BCAS1: variants seen among roughly 807,000 people sequenced by gnomAD.
BCAS1 encodes breast carcinoma-amplified sequence 1.
BCAS1 carries 46 observed loss-of-function variants against 65.4 expected under a neutral mutation model. That is an observed-to-expected ratio of 0.70 (90% CI 0.55 to 0.90). The LOEUF is 0.90. BCAS1 is among the 40% of genes least tolerant of loss of function. The probability of loss-of-function intolerance (pLI) is 0.00; values close to 1 mark genes in which losing one functional copy is unlikely to be tolerated. For synonymous variants in BCAS1, 298 were observed against 293.5 expected (o/e 1.02, Z -0.16); for missense variants, 793 against 771.2 (o/e 1.03, Z -0.33).
At chr20:53,953,798 T>C in intron 11 of BCAS1, 103 bp from the exon 12 acceptor site, 3 of 1,338,956 alleles carry the variant, frequency 2.2e-6, no homozygotes. Context: ...TGTTGGGTGG[T>C]ATCTACATTT....
chr20:53,966,350 CATT>C (rs1399042275), intron 10 of BCAS1, among the ~76,000 whole-genome samples: 1 of 152,140 alleles, frequency 6.6e-6, no homozygotes, highest in East Asian at 1.9e-4. Context: ...AGCTGGAGGC[CATT>C]ATTCTAAGTG....
intron 3 of BCAS1, among the ~76,000 whole-genome samples, chr20:54,048,684 C>T (rs536307648): frequency 1.3e-5 from 2 of 152,330 alleles, no homozygotes; most frequent in South Asian, 2.1e-4. Flanking sequence ...AGAACTGCCA[C>T]CTCCAGACTT....
In BCAS1 at chr20:54,046,907, G is replaced by A. The variant is rs558206769; in HGVS notation, c.142+11178C>T. Among the ~76,000 whole-genome samples, 7 of 151,996 alleles carry A rather than the reference G, an allele frequency of 4.6e-5. No homozygotes were observed. In the South Asian group the frequency reaches 1.5e-3, roughly 32 times the overall value. The stretch of plus-strand genomic sequence containing the variant: ...GATCAGCTTATTTCTGCTCTATGAT[G>A]TCTGGAGCCACAGCTGGGGTGCCTT... On this transcript the variant is annotated intron_variant, in intron 3 of 12. Coordinates refer to ENST00000688948, the MANE Select transcript of BCAS1 (RefSeq NM_001366298.2).
At chr20:53,956,009 C>T (rs1364070464) in intron 11 of BCAS1, among the ~76,000 whole-genome samples, 1 of 152,056 alleles carries the variant, frequency 6.6e-6, no homozygotes, top group East Asian at 1.9e-4. Context: ...AATACAAAAA[C>T]ATATTTACAG....
chr20:54,020,892 G>A (rs2091542263), intron 4 of BCAS1, among the ~76,000 whole-genome samples: 1 of 152,158 alleles, frequency 6.6e-6, no homozygotes, highest in Non-Finnish European at 1.5e-5. Context: ...TTTGTTTCAT[G>A]TATGCGCATG....
At chr20:53,982,835 ATAGCACAAAACAACT>A (rs2145756934) in intron 8 of BCAS1, among the ~76,000 whole-genome samples, 2 of 152,340 alleles carry the variant, frequency 1.3e-5, no homozygotes, top group East Asian at 3.9e-4. Context: ...CACAAACTAT[ATAGCACAAAACAACT>A]TAGCACAAAT....
chr20:53,955,485 C>T (rs778658377), intron 11 of BCAS1, among the ~76,000 whole-genome samples: 1 of 152,124 alleles, frequency 6.6e-6, no homozygotes, highest in Non-Finnish European at 1.5e-5. Flanking sequence ...AGTTCAAATG[C>T]CTTGTTAACT....
intron 7 of BCAS1, 39 bp downstream of exon 7, chr20:53,992,473 G>C (rs1250109847): frequency 7.3e-7 from 1 of 1,361,540 alleles, no homozygotes; most frequent in Non-Finnish European, 9.8e-7. Context: ...GTGAAGACCA[G>C]AGTTCTTGTT....
chr20:53,984,377 G>C (rs948933347), intron 8 of BCAS1, among the ~76,000 whole-genome samples: 3 of 152,228 alleles, frequency 2.0e-5, no homozygotes, highest in Non-Finnish European at 4.4e-5. Flanking sequence ...GTTCTGGGAA[G>C]AACCTGGAAG....
intron 9 of BCAS1, among the ~76,000 whole-genome samples, chr20:53,967,279 A>G (rs527858859): frequency 7.2e-5 from 11 of 152,292 alleles, no homozygotes; most frequent in African/African-American, 2.6e-4. Flanking sequence ...CCACATTGAC[A>G]TGGAAGTGGC....
intron 3 of BCAS1, among the ~76,000 whole-genome samples, chr20:54,035,358 A>T (rs1406057960): frequency 2.1e-5 from 3 of 146,326 alleles, no homozygotes; most frequent in African/African-American, 5.0e-5. Flanking sequence ...CCGAGACCAC[A>T]TCACTGCACT....
intron 3 of BCAS1, among the ~76,000 whole-genome samples, chr20:54,041,247 G>A (rs955441982): frequency 4.0e-5 from 6 of 151,358 alleles, no homozygotes. Flanking sequence ...GGAATTAGAC[G>A]TGGAACGATT....
At chr20:54,063,894 G>T (rs1231219733) in intron 1 of BCAS1, among the ~76,000 whole-genome samples, 8 of 152,198 alleles carry the variant, frequency 5.3e-5, no homozygotes, top group Non-Finnish European at 1.2e-4. Context: ...GAAAAAGTTT[G>T]AATGGGGTGT....
chr20:54,046,178 C>T (rs2092100558), intron 3 of BCAS1, among the ~76,000 whole-genome samples: 1 of 152,146 alleles, frequency 6.6e-6, no homozygotes, highest in South Asian at 2.1e-4. Context: ...GGCTGTGTAA[C>T]AAGCATCCCC....
intron 4 of BCAS1, among the ~76,000 whole-genome samples, chr20:54,004,539 T>C (rs1442856781): frequency 6.6e-6 from 1 of 152,212 alleles, no homozygotes; most frequent in Non-Finnish European, 1.5e-5. Context: ...GTCTTGAAGA[T>C]GAGTCATTAT....
intron 7 of BCAS1, among the ~76,000 whole-genome samples, chr20:53,988,652 G>A (rs1223635455): frequency 6.6e-6 from 1 of 152,160 alleles, no homozygotes; most frequent in African/African-American, 2.4e-5. Context: ...CTTTGTGTTG[G>A]AAGCTTACAA....
At position 53,953,514 on chromosome 20, in the gene BCAS1, G is replaced by A. The variant is rs201634451; in HGVS notation, c.1733C>T (p.Thr578Met). The change falls in exon 12 of 13, where the codon ACG becomes ATG. Residue 578 changes from threonine to methionine, a missense_variant. Transcript: ENST00000688948. ...AQCTEQATVD[T>M]NSLQNGDKLQ... Reference sequence around the variant, plus strand: ...CTTGTCCCCATTCTGCAGTGAGTTCGTGTCCACCGTGGCCTGCTCTGTGCA... The same window carrying A: ...CTTGTCCCCATTCTGCAGTGAGTTCATGTCCACCGTGGCCTGCTCTGTGCA... 1.4e-5 allele frequency: 23 copies of A among 1,613,956 alleles called. No individual in the cohort carries two copies. The highest frequency in any genetic ancestry group is 3.3e-5 in the South Asian group (3 of 91,072).
chr20:54,009,416 A>C (rs1041790348), intron 4 of BCAS1, among the ~76,000 whole-genome samples: 1 of 152,194 alleles, frequency 6.6e-6, no homozygotes, highest in Non-Finnish European at 1.5e-5. Context: ...TATCAGGTAC[A>C]AAACTGGATA....
intron 10 of BCAS1, among the ~76,000 whole-genome samples, chr20:53,965,134 G>C (rs1235729644): frequency 6.6e-6 from 1 of 152,228 alleles, no homozygotes; most frequent in Non-Finnish European, 1.5e-5. Flanking sequence ...CAATGAGATA[G>C]ATGGGGTTTT....
Sources: allele counts gnomAD v4.1 joint callset (sites outside exome capture counted in the v4.1 genomes callset), GRCh38; gene constraint gnomAD v4.1.1; transcripts MANE v1.5; gene names NCBI Gene and HGNC (gene_info 2026-07-23, HGNC 2026-07-21).